The following PRKAR1B variants were observed in gnomAD, a reference collection of about 807,000 sequenced individuals.
The protein encoded by PRKAR1B is protein kinase cAMP-dependent type I regulatory subunit beta.
In PRKAR1B, 22 loss-of-function variants were observed where a neutral mutation model predicts 46.5. The observed-to-expected ratio is 0.47, with a 90% confidence interval of 0.34 to 0.68. PRKAR1B has a LOEUF of 0.68. Among genes scored for constraint, PRKAR1B ranks in the 30% least tolerant of loss-of-function variants. The probability of loss-of-function intolerance (pLI) is 0.01; values close to 1 mark genes in which losing one functional copy is unlikely to be tolerated. For synonymous variants in PRKAR1B, 259 were observed against 217.7 expected, an observed-to-expected ratio of 1.19 and a Z score of -1.67; for missense variants, 445 against 535.6, an observed-to-expected ratio of 0.83 and a Z score of 1.67.
At chr7:559,244 G>A (rs112052058) in intron 9 of PRKAR1B, among the ~76,000 whole-genome samples, 80 of 152,312 alleles carry the variant, frequency 5.3e-4, no homozygotes, top group African/African-American at 1.8e-3. Flanking sequence ...TCAGGGGGCG[G>A]CCAGTGAAGG....
In PRKAR1B at chr7:679,412, G is replaced by A. The variant is rs116844586; in HGVS notation, c.348+1144C>T. Among the ~76,000 whole-genome samples the A allele has an allele frequency of 2.5e-4, 38 of 152,332 alleles. No individual in the cohort carries two copies. The East Asian group carries it at 4.4e-3, about 18-fold the overall frequency. On this transcript the variant is annotated intron_variant, in intron 3 of 10. Coordinates refer to ENST00000537384, the MANE Select transcript of PRKAR1B (RefSeq NM_001164760.2). ...GGTCAGGCATTCTGCGGAGCATCCC[G>A]CAATTTAGGTTTATTTGAGGTTCTT... is the stretch of plus-strand genomic sequence containing the variant.
At chr7:688,779 C>G (rs1779245218) in intron 2 of PRKAR1B, among the ~76,000 whole-genome samples, 1 of 152,190 alleles carries the variant, frequency 6.6e-6, no homozygotes, top group African/African-American at 2.4e-5. Context: ...GAGCAGCAAT[C>G]TCACAGTTAC....
Position 631,631 on chromosome 7 carries a change from G to A in PRKAR1B, c.441-24179C>T, listed in dbSNP as rs1255681756. Among the ~76,000 whole-genome samples, 5 of 152,266 alleles carry A rather than the reference G, an allele frequency of 3.3e-5. No homozygotes were observed. In the South Asian group the frequency reaches 6.2e-4, roughly 19 times the overall value. On this transcript the variant is annotated intron_variant, in intron 4 of 10. Coordinates refer to ENST00000537384, the MANE Select transcript of PRKAR1B (RefSeq NM_001164760.2). ...ACGCAAACCCAGCCCACTGTCCTCC[G>A]AGCACACTGGGGATCCTGTGAGACT...
In PRKAR1B at chr7:549,672, G is replaced by A. The variant is rs576184054; in HGVS notation, c.*758C>T. The A allele has an allele frequency of 2.0e-3, 304 of 152,356 alleles. No homozygotes were observed. The highest frequency in any genetic ancestry group is 6.9e-3 in the African/African-American group (286 of 41,548). The allele number at this position is 152,356 out of a possible 1,614,324, so 9.4% of individuals were successfully genotyped here. ...TGGACTTTCTAAGAAAGGTGAGGAC[G>A]GCCTGCTGGAGTCCCGCCAGCCCCT... On this transcript the variant is annotated 3_prime_UTR_variant, in exon 11 of 11. Transcript: ENST00000537384.
upstream of PRKAR1B, among the ~76,000 whole-genome samples, chr7:728,778 G>A (rs753367867): frequency 6.6e-6 from 1 of 152,108 alleles, no homozygotes; most frequent in African/African-American, 2.4e-5. Context: ...GAGGGACTGT[G>A]CCTCTGCCTG....
intron 7 of PRKAR1B, among the ~76,000 whole-genome samples, chr7:592,830 C>G (rs1386539806): frequency 6.6e-6 from 1 of 152,080 alleles, no homozygotes; most frequent in Admixed American, 6.5e-5. Context: ...CCCAGGAGTC[C>G]AAGACCAGCC....
rs9690875 is a variant in PRKAR1B at position 573,784 on chromosome 7, C to T, written c.891+5472G>A. ...GCTCGCAAGACTGGGATCGCGGAGT[C>T]GGGCACACCCATGGTGGAGGCACAG... On this transcript the variant is annotated intron_variant, in intron 9 of 10. Coordinates refer to ENST00000537384, the MANE Select transcript of PRKAR1B (RefSeq NM_001164760.2). 2.7e-3 allele frequency among the ~76,000 whole-genome samples: 415 copies of T among 152,300 alleles called. 1 individual carries two copies. Among genetic ancestry groups the T allele is most frequent in the African/African-American group, 9.6e-3 (400 of 41,578 alleles).
intron 2 of PRKAR1B, among the ~76,000 whole-genome samples, chr7:688,192 G>T (rs913109464): frequency 6.6e-6 from 1 of 151,624 alleles, no homozygotes; most frequent in Non-Finnish European, 1.5e-5. Context: ...CCTGAGGTCA[G>T]GAGTTCGAGA....
chr7:713,591 C>T (rs1238449713), intron 1 of PRKAR1B, among the ~76,000 whole-genome samples: 3 of 151,108 alleles, frequency 2.0e-5, no homozygotes. Context: ...TCACCGTCTC[C>T]CAGTCAGCCC....
At chr7:626,911 T>A (rs1008971127) in intron 4 of PRKAR1B, among the ~76,000 whole-genome samples, 1 of 151,988 alleles carries the variant, frequency 6.6e-6, no homozygotes, top group Non-Finnish European at 1.5e-5. Context: ...GGAGTCTCAC[T>A]CTATCACCCA....
At chr7:564,493 A>G (rs1297947630) in intron 9 of PRKAR1B, among the ~76,000 whole-genome samples, 5 of 152,050 alleles carry the variant, frequency 3.3e-5, no homozygotes, top group African/African-American at 1.2e-4. Flanking sequence ...ACTGCCTTCC[A>G]GGCAAGCCCA....
At chr7:561,456 C>T (rs1012704534) in intron 9 of PRKAR1B, among the ~76,000 whole-genome samples, 1 of 152,232 alleles carries the variant, frequency 6.6e-6, no homozygotes, top group African/African-American at 2.4e-5. Context: ...AAGCTCCCTT[C>T]CACCCAAATC....
intron 4 of PRKAR1B, among the ~76,000 whole-genome samples, chr7:641,500 G>A (rs898348988): frequency 6.6e-6 from 1 of 151,488 alleles, no homozygotes; most frequent in African/African-American, 2.4e-5. Flanking sequence ...AACCCAAATG[G>A]TGCCGTATTG....
At chr7:577,525 C>T (rs1261632199) in intron 9 of PRKAR1B, among the ~76,000 whole-genome samples, 1 of 152,164 alleles carries the variant, frequency 6.6e-6, no homozygotes, top group Non-Finnish European at 1.5e-5. Context: ...CAGAGCCGGG[C>T]AGGTCACCAC....
At chr7:656,199 A>T (rs540417693) in intron 4 of PRKAR1B, among the ~76,000 whole-genome samples, 225 of 152,142 alleles carry the variant, frequency 1.5e-3, no homozygotes, top group Middle Eastern at 3.4e-3. Flanking sequence ...AATGAATGGA[A>T]AAATGAATGA....
intron 7 of PRKAR1B, 46 bp from the exon 8 acceptor site, chr7:584,614 A>G (rs757513840): frequency 1.3e-6 from 2 of 1,506,416 alleles, no homozygotes; most frequent in East Asian, 2.3e-5. Flanking sequence ...GAATCTTCAT[A>G]CCTGGATCAT....
At chr7:592,279 G>A (rs531381757) in intron 7 of PRKAR1B, among the ~76,000 whole-genome samples, 21 of 152,340 alleles carry the variant, frequency 1.4e-4, no homozygotes, top group African/African-American at 2.2e-4. Context: ...ACTAAGCCCC[G>A]GTCGAGGCTC....
chr7:569,412 C>T (rs564691064), intron 9 of PRKAR1B, among the ~76,000 whole-genome samples: 33 of 152,328 alleles, frequency 2.2e-4, no homozygotes, highest in African/African-American at 6.7e-4. Flanking sequence ...ACAGTTCAGC[C>T]GGGTGCTGGG....
intron 4 of PRKAR1B, among the ~76,000 whole-genome samples, chr7:650,424 C>T (rs1191951423): frequency 6.6e-6 from 1 of 151,614 alleles, no homozygotes; most frequent in Admixed American, 6.6e-5. Flanking sequence ...CCACGAAAGG[C>T]TCTTTCCAGC....
Sources: gnomAD v4.1 joint callset for allele counts (sites outside exome capture counted in the v4.1 genomes callset) on GRCh38, gnomAD v4.1.1 for gene constraint, MANE v1.5 for transcripts, NCBI Gene and HGNC (gene_info 2026-07-23, HGNC 2026-07-21) for gene names.